Variants in GGCX observed in about 807,000 individuals in gnomAD.
GGCX encodes vitamin K-dependent gamma-carboxylase.
GGCX carries 63 observed loss-of-function variants against 88.5 expected under a neutral mutation model. That is an observed-to-expected ratio of 0.71 (90% CI 0.58 to 0.88). The LOEUF (loss-of-function observed/expected upper bound fraction) is 0.88, where lower values mean the gene tolerates loss of function less well. GGCX is among the 40% of genes least tolerant of loss of function. GGCX has a pLI of 0.00. For missense variants in GGCX, 805 were observed against 932.9 expected (o/e 0.86, Z 1.79); for synonymous variants, 368 against 365.8 (o/e 1.01, Z -0.07).
rs1007299542 is a variant in GGCX at position 85,546,405 on chromosome 2, AGAGT to A, written c.*3525_*3528del. Reference sequence around the variant, plus strand: ...GCCACCACACTCCGGCCAGGGTAACAGAGTGAGACTTAAAAAAAAAGCCGTGGAA... The same window carrying A: ...GCCACCACACTCCGGCCAGGGTAACAGAGACTTAAAAAAAAAGCCGTGGAA... On this transcript the variant is annotated 3_prime_UTR_variant, in exon 15 of 15. Transcript: ENST00000233838. 9.3e-5 allele frequency: 14 copies of A among 151,284 alleles called. No homozygotes were observed. The highest frequency in any genetic ancestry group is 8.3e-4 in the South Asian group (4 of 4,804). The allele number at this position is 151,284 out of a possible 1,614,324, so 9.4% of individuals were successfully genotyped here. A position where few individuals can be genotyped will look rare whatever the true frequency, so the allele number is the denominator to read the frequency against.
In GGCX at chr2:85,550,590, G is replaced by A. The variant is rs369161986; in HGVS notation, c.2049C>T (p.Arg683=). The A allele has an allele frequency of 5.0e-6, 8 of 1,614,066 alleles. No homozygotes were observed. Among genetic ancestry groups the A allele is most frequent in the Non-Finnish European group, 5.1e-6 (6 of 1,179,894 alleles). ...AGACATAGAGCTTTCGCAACAAGAA[G>A]CGGAAGAATCGCTCATGGAAAGGAG... ...RNTPFHERFF[R]FLLRKLYVFR... The change falls in exon 14 of 15, where the codon CGC becomes CGT. Residue 683 remains arginine, a synonymous_variant. Coordinates refer to ENST00000233838, the MANE Select transcript of GGCX (RefSeq NM_000821.7).
chr2:85,549,726 G>C lies in GGCX; in HGVS notation c.*208C>G. On this transcript the variant is annotated 3_prime_UTR_variant, in exon 15 of 15. Coordinates refer to ENST00000233838, the MANE Select transcript of GGCX (RefSeq NM_000821.7). The stretch of plus-strand genomic sequence containing the variant: ...TCACATTGCGTCTAACCTCTTCCTG[G>C]CCTCTTAATCTTGGGTTGTTAAATC... 1.7e-6 allele frequency: 1 copy of C among 573,002 alleles called. No individual in the cohort carries two copies. Among genetic ancestry groups the C allele is most frequent in the East Asian group, 3.0e-5 (1 of 32,976 alleles). 35.5% of individuals were successfully genotyped at this position (573,002 alleles called of 1,614,324 possible).
chr2:85,549,088 T>C lies in GGCX; in HGVS notation c.*846A>G, dbSNP rs543199438. The C allele has an allele frequency of 6.6e-6, 1 of 152,302 alleles. No homozygotes were observed. Among genetic ancestry groups the C allele is most frequent in the Non-Finnish European group, 1.5e-5 (1 of 68,018 alleles). The allele number at this position is 152,302 out of a possible 1,614,324, so 9.4% of individuals were successfully genotyped here. ...ACCTGACCACCATCCAATTATACTT[T>C]TAATTAAGAAAACATGTTTTAAGCT... On this transcript the variant is annotated 3_prime_UTR_variant, in exon 15 of 15. Coordinates refer to ENST00000233838, the MANE Select transcript of GGCX (RefSeq NM_000821.7).
At chr2:85,555,660 A>C (rs1692178225) in intron 5 of GGCX, 70 bp from the exon 6 acceptor site, 3 of 867,276 alleles carry the variant, frequency 3.5e-6, no homozygotes, top group Admixed American at 3.6e-5. Flanking sequence ...GAATAAAATA[A>C]GGAGCATATA....
At chr2:85,561,275 G>C in intron 1 of GGCX, 111 bp downstream of exon 1, 1 of 592,664 alleles carries the variant, frequency 1.7e-6, no homozygotes, top group South Asian at 2.0e-5. Flanking sequence ...CTTCCCCACA[G>C]AGGACCCCCC....
Position 85,551,848 on chromosome 2 carries a change from T to A in GGCX, c.1573A>T (p.Asn525Tyr). ...GCAATGAAGACCACCTCAGTGTGGTTGTCTAGGCTGCTCTTGATTTCCTGT... is the reference window on the plus strand; with the variant it reads ...GCAATGAAGACCACCTCAGTGTGGTAGTCTAGGCTGCTCTTGATTTCCTGT... ...KLQEIKSSLDNHTEVVFIADF... is the reference protein window; with the variant it reads ...KLQEIKSSLDYHTEVVFIADF... Residue 525 changes from asparagine (N) to tyrosine (Y), a missense_variant, in exon 11 of 15, where the codon AAC becomes TAC. Coordinates refer to ENST00000233838, the MANE Select transcript of GGCX (RefSeq NM_000821.7). The A allele has an allele frequency of 3.7e-6, 6 of 1,613,862 alleles. No homozygotes were observed. Among genetic ancestry groups the A allele is most frequent in the Non-Finnish European group, 5.1e-6 (6 of 1,179,736 alleles).
Position 85,545,639 on chromosome 2 carries a change from C to A in GGCX, c.*4295G>T, listed in dbSNP as rs1193449606. The A allele has an allele frequency of 2.6e-5, 4 of 152,132 alleles. No homozygotes were observed. Among genetic ancestry groups the A allele is most frequent in the African/African-American group, 9.7e-5 (4 of 41,400 alleles). 9.4% of individuals were successfully genotyped at this position (152,132 alleles called of 1,614,324 possible). On this transcript the variant is annotated 3_prime_UTR_variant, in exon 15 of 15. Coordinates refer to ENST00000233838, the MANE Select transcript of GGCX (RefSeq NM_000821.7). ...CCACTTAAGCCAAAATTCATGTGTC[C>A]TTATTGCAGCAGCCATTCAATGCCA...
At position 85,551,040 on chromosome 2, in the gene GGCX, C is replaced by A. The variant is rs780870771; in HGVS notation, c.1773G>T (p.Thr591=). 1 of 1,613,844 alleles carries A rather than the reference C, an allele frequency of 6.2e-7. No homozygotes were observed. The highest frequency in any genetic ancestry group is 8.5e-7 in the Non-Finnish European group (1 of 1,179,758). The change falls in exon 13 of 15, where the codon ACG becomes ACT. Residue 591 remains threonine, a synonymous_variant. Coordinates refer to ENST00000233838, the MANE Select transcript of GGCX (RefSeq NM_000821.7). ...LPAGEYHKVY[T]TSPSPSCYMY... ...TGTAGCAAGAAGGGCTAGGTGATGTCGTATACACCTTATGGTACTCACCAG... is the reference window on the plus strand; with the variant it reads ...TGTAGCAAGAAGGGCTAGGTGATGTAGTATACACCTTATGGTACTCACCAG...
chr2:85,550,806 A>C (rs1293119414), intron 13 of GGCX, 56 bp from the exon 14 acceptor site: 1 of 1,587,592 alleles, frequency 6.3e-7, no homozygotes, highest in Non-Finnish European at 8.6e-7. Flanking sequence ...CTCTCCCCTT[A>C]GAACTCCTCT....
At chr2:85,556,099 G>A (rs529222355) in intron 5 of GGCX, 83 bp downstream of exon 5, 50 of 846,958 alleles carry the variant, frequency 5.9e-5, no homozygotes, top group East Asian at 1.7e-4. Context: ...GGGAGGCAGC[G>A]GAGAGTGTAG....
At position 85,549,740 on chromosome 2, in the gene GGCX, GGTT is replaced by G. The variant is rs1387496977; in HGVS notation, c.*191_*193del. On this transcript the variant is annotated 3_prime_UTR_variant, in exon 15 of 15. Coordinates refer to ENST00000233838, the MANE Select transcript of GGCX (RefSeq NM_000821.7). Reference sequence around the variant, plus strand: ...ACCTCTTCCTGGCCTCTTAATCTTGGGTTGTTAAATCTTATTTGCTTTATTTCC... The same window carrying G: ...ACCTCTTCCTGGCCTCTTAATCTTGGGTTAAATCTTATTTGCTTTATTTCC... 3.4e-6 allele frequency: 2 copies of G among 596,772 alleles called. No individual in the cohort carries two copies. Among genetic ancestry groups the G allele is most frequent in the East Asian group, 2.9e-5 (1 of 34,878 alleles). 37.0% of individuals were successfully genotyped at this position (596,772 alleles called of 1,614,324 possible).
intron 8 of GGCX, 62 bp downstream of exon 8, chr2:85,553,170 C>G (rs1692043560): frequency 1.2e-6 from 2 of 1,612,562 alleles, no homozygotes; most frequent in African/African-American, 1.3e-5. Flanking sequence ...TCTTTCCCAA[C>G]TATTGTCATC....
chr2:85,550,813 C>T lies in GGCX; in HGVS notation c.1889-63G>A. On this transcript the variant is annotated intron_variant, in intron 13 of 14. Transcript: ENST00000233838. ...GGATCACTCTCTCCCCTTAGAACTC[C>T]TCTTCTGCCAGCTAGAGACTTCAAG... The T allele has an allele frequency of 2.5e-6, 4 of 1,585,684 alleles. No individual in the cohort carries two copies. In the Admixed American group the frequency reaches 5.0e-5, roughly 20 times the overall value.
chr2:85,550,413 A>T, intron 14 of GGCX, 142 bp downstream of exon 14: 1 of 718,742 alleles, frequency 1.4e-6, no homozygotes, highest in South Asian at 1.5e-5. Flanking sequence ...TCTTCCAGTA[A>T]ATCAAGAAGA....
At chr2:85,552,023 C>CA in intron 10 of GGCX, 42 bp from the exon 11 acceptor site, 2 of 1,472,570 alleles carry the variant, frequency 1.4e-6, no homozygotes, top group South Asian at 1.1e-5. Context: ...CACAGCCACC[C>CA]ACCCACCAGA....
At position 85,558,573 on chromosome 2, in the gene GGCX, G is replaced by A. The variant is rs142918177; in HGVS notation, c.406C>T (p.Arg136Trp). Reference sequence around the variant, plus strand: ...AGCAGGAATAACACACAGCTTATCCGGTAGCACAGGCCCAGCATCATGCCC... The same window carrying A: ...AGCAGGAATAACACACAGCTTATCCAGTAGCACAGGCCCAGCATCATGCCC... Reference protein sequence around the residue: ...ALGMMLGLCYRISCVLFLLPY... With the variant: ...ALGMMLGLCYWISCVLFLLPY... The change falls in exon 4 of 15, where the codon CGG (arginine) becomes TGG (tryptophan). Residue 136 changes from arginine to tryptophan, a missense_variant. Physicochemically the swap from Arg to Trp is moderately radical, Grantham distance 101 (BLOSUM62 -3). This residue lies in a region of GGCX where 680 missense variants were observed against 763.7 expected (regional missense o/e 0.89). Transcript: ENST00000233838. 20 of 1,613,556 alleles carry A rather than the reference G, an allele frequency of 1.2e-5. No individual in the cohort carries two copies. Among genetic ancestry groups the A allele is most frequent in the East Asian group, 2.2e-5 (1 of 44,878 alleles).
intron 2 of GGCX, among the ~76,000 whole-genome samples, chr2:85,559,584 G>A (rs572529294): frequency 2.0e-5 from 3 of 152,158 alleles, no homozygotes; most frequent in East Asian, 1.9e-4. Context: ...GTGTGGTGGC[G>A]CATGCCTGTA....
chr2:85,546,691 G>A lies in GGCX; in HGVS notation c.*3243C>T, dbSNP rs1691682775. The A allele has an allele frequency of 6.6e-6, 1 of 152,308 alleles. No homozygotes were observed. The highest frequency in any genetic ancestry group is 2.4e-5 in the African/African-American group (1 of 41,452). The allele number at this position is 152,308 out of a possible 1,614,324, so 9.4% of individuals were successfully genotyped here. ...TGCACTCCAGCCTGGGCCAGAGCAA[G>A]GTTCCTTCTCAAAAAACTTGGAAAT... is the stretch of plus-strand genomic sequence containing the variant. On this transcript the variant is annotated 3_prime_UTR_variant, in exon 15 of 15. Coordinates refer to ENST00000233838, the MANE Select transcript of GGCX (RefSeq NM_000821.7).
chr2:85,550,073 A>C lies in GGCX; in HGVS notation c.2138T>G (p.Leu713Arg). 1 of 1,613,790 alleles carries C rather than the reference A, an allele frequency of 6.2e-7. No individual in the cohort carries two copies. Among genetic ancestry groups the C allele is most frequent in the Non-Finnish European group, 8.5e-7 (1 of 1,179,668 alleles). ...LRNLILGRPS[L>R]EQLAQEVTYA... ...AGTCACCTCCTGGGCCAGCTGCTCC[A>C]GGGAAGGACGGCCTAATATCAGATT... The change falls in exon 15 of 15, where the codon CTG (leucine) becomes CGG (arginine). Residue 713 changes from leucine (L) to arginine (R), a missense_variant. By Grantham distance (102) the Leu-to-Arg change is moderately radical. Around this residue, in one of 3 missense-constraint regions of GGCX, gnomAD observed 680 missense variants for 763.7 expected, o/e 0.89. Coordinates refer to ENST00000233838, the MANE Select transcript of GGCX (RefSeq NM_000821.7).
Sources: gnomAD v4.1 joint callset for allele counts (sites outside exome capture counted in the v4.1 genomes callset) on GRCh38, gnomAD v4.1.1 for gene constraint, gnomAD v4.1.1 regional missense constraint, MANE v1.5 for transcripts, NCBI Gene and HGNC (gene_info 2026-07-23, HGNC 2026-07-21) for gene names.